Variants in BARX2 observed in about 807,000 individuals in gnomAD.
The protein encoded by BARX2 is BARX homeobox 2.
A neutral mutation model predicts 25.5 loss-of-function variants in BARX2; 11 were observed. That is an observed-to-expected ratio of 0.43 (90% CI 0.27 to 0.71). The LOEUF (loss-of-function observed/expected upper bound fraction) is 0.71, where lower values mean the gene tolerates loss of function less well. Ranked by LOEUF, BARX2 falls within the 30% of genes least tolerant of loss-of-function variation. The probability of loss-of-function intolerance (pLI) is 0.19; values close to 1 mark genes in which losing one functional copy is unlikely to be tolerated. For missense variants in BARX2, 360 were observed against 359.9 expected, an observed-to-expected ratio of 1.00 and a Z score of 0.00; for synonymous variants, 137 against 149.5, an observed-to-expected ratio of 0.92 and a Z score of 0.61.
chr11:129,388,346 A>G (rs1381783630), intron 1 of BARX2, among the ~76,000 whole-genome samples: 3 of 152,080 alleles, frequency 2.0e-5, no homozygotes, highest in Non-Finnish European at 2.9e-5. Flanking sequence ...ACCTGTTACC[A>G]TCTGGCTGTG....
At chr11:129,425,431 A>G (rs1862052728) in intron 1 of BARX2, among the ~76,000 whole-genome samples, 1 of 152,194 alleles carries the variant, frequency 6.6e-6, no homozygotes. Flanking sequence ...GGATGAAAGC[A>G]GGTGTGGGTG....
At chr11:129,395,511 C>T (rs143187936) in intron 1 of BARX2, among the ~76,000 whole-genome samples, 29 of 152,264 alleles carry the variant, frequency 1.9e-4, no homozygotes, top group Admixed American at 1.0e-3. Context: ...CCGTGAGTTC[C>T]GTGCATTTAG....
intron 1 of BARX2, among the ~76,000 whole-genome samples, chr11:129,409,073 C>T (rs1861861279): frequency 1.3e-5 from 2 of 152,276 alleles, no homozygotes; most frequent in Admixed American, 1.3e-4. Flanking sequence ...TATGATAATA[C>T]AAGAGCTCTC....
At position 129,390,381 on chromosome 11, in the gene BARX2, G is replaced by A. The variant is rs1429667729; in HGVS notation, c.187+14159G>A. ...GGGTCCTCAGAACCATAGAGTCTGA[G>A]TTTTCTGAATTGTTGAAAATAGGAC... On this transcript the variant is annotated intron_variant, in intron 1 of 3. Transcript: ENST00000281437. The surrounding 1 kb of genome is among the most constrained non-coding windows in gnomAD (Gnocchi z 4.3). 2.0e-5 allele frequency among the ~76,000 whole-genome samples: 3 copies of A among 152,138 alleles called. No homozygotes were observed. Among genetic ancestry groups the A allele is most frequent in the Admixed American group, 6.5e-5 (1 of 15,270 alleles).
chr11:129,450,862 C>G (rs914409718), intron 3 of BARX2, among the ~76,000 whole-genome samples: 3 of 152,094 alleles, frequency 2.0e-5, no homozygotes, highest in Non-Finnish European at 4.4e-5. Flanking sequence ...ATTTTCATTT[C>G]TTTCCTTATT....
intron 1 of BARX2, among the ~76,000 whole-genome samples, chr11:129,422,895 G>T (rs145855216): frequency 0.024 from 3,679 of 151,454 alleles, 133 homozygotes; most frequent in African/African-American, 0.085. Flanking sequence ...TAGAGATGGG[G>T]TTTCACCATG....
At chr11:129,391,139 A>G (rs571224873) in intron 1 of BARX2, among the ~76,000 whole-genome samples, 25 of 152,280 alleles carry the variant, frequency 1.6e-4, no homozygotes, top group African/African-American at 5.8e-4. Flanking sequence ...GATTACATGT[A>G]TTATGGTGTT....
At chr11:129,407,741 G>T (rs1427177628) in intron 1 of BARX2, among the ~76,000 whole-genome samples, 2 of 152,156 alleles carry the variant, frequency 1.3e-5, no homozygotes, top group Non-Finnish European at 2.9e-5. Flanking sequence ...CAGTAGGAAA[G>T]ACATGCATAA....
At chr11:129,430,508 A>C (rs1195409834) in intron 1 of BARX2, among the ~76,000 whole-genome samples, 1 of 152,184 alleles carries the variant, frequency 6.6e-6, no homozygotes, top group Non-Finnish European at 1.5e-5. Context: ...AATGTGTGTA[A>C]CATTTTAATT....
intron 1 of BARX2, among the ~76,000 whole-genome samples, chr11:129,433,011 T>C (rs77197461): frequency 0.089 from 13,565 of 152,216 alleles, 738 homozygotes; most frequent in Middle Eastern, 0.14. Flanking sequence ...TGCAATCCCA[T>C]GGTCCAATAT....
Position 129,432,934 on chromosome 11 carries a change from C to T in BARX2, c.188-3817C>T, listed in dbSNP as rs552584640. Reference sequence around the variant, plus strand: ...TCCTCTCTGTGACCTGAGATGTTGGCGTGCCCCAGAGTTCAGCCCTTGTAT... The same window carrying T: ...TCCTCTCTGTGACCTGAGATGTTGGTGTGCCCCAGAGTTCAGCCCTTGTAT... On this transcript the variant is annotated intron_variant, in intron 1 of 3. Transcript: ENST00000281437. 1.6e-4 allele frequency among the ~76,000 whole-genome samples: 24 copies of T among 152,204 alleles called. No individual in the cohort carries two copies. In the East Asian group the frequency reaches 2.3e-3, roughly 15 times the overall value.
At chr11:129,442,765 C>CAGCAGCCTGT in intron 2 of BARX2, 70 bp from the exon 3 acceptor site, 8 of 1,378,800 alleles carry the variant, frequency 5.8e-6, no homozygotes, top group Non-Finnish European at 8.3e-6. Flanking sequence ...CTGGAGCCTG[C>CAGCAGCCTGT]CAGCAGGATC....
At chr11:129,432,905 G>A (rs60613907) in intron 1 of BARX2, among the ~76,000 whole-genome samples, 4,486 of 152,170 alleles carry the variant, frequency 0.029, 226 homozygotes, top group African/African-American at 0.1. Flanking sequence ...TGGCCGGCTC[G>A]TCTTCCTCTC....
chr11:129,378,249 C>A (rs1434727009), intron 1 of BARX2, among the ~76,000 whole-genome samples: 1 of 152,110 alleles, frequency 6.6e-6, no homozygotes, highest in Non-Finnish European at 1.5e-5. Flanking sequence ...AATATAGAAA[C>A]TGGGATTTGC....
Position 129,390,667 on chromosome 11 carries a change from G to A in BARX2, c.187+14445G>A, listed in dbSNP as rs996608671. On this transcript the variant is annotated intron_variant, in intron 1 of 3. Transcript: ENST00000281437. The surrounding 1 kb of genome is among the most constrained non-coding windows in gnomAD (Gnocchi z 4.3). Reference sequence around the variant, plus strand: ...AAAAACAAATTGAAAAATGAGAATGGAAGATTTCATTTGGAAATGGCCCTG... The same window carrying A: ...AAAAACAAATTGAAAAATGAGAATGAAAGATTTCATTTGGAAATGGCCCTG... 1.3e-5 allele frequency among the ~76,000 whole-genome samples: 2 copies of A among 152,156 alleles called. No homozygotes were observed. The highest frequency in any genetic ancestry group is 6.5e-5 in the Admixed American group (1 of 15,270).
intron 1 of BARX2, among the ~76,000 whole-genome samples, chr11:129,380,435 GTGC>G (rs769566207): frequency 7.1e-4 from 108 of 152,126 alleles, no homozygotes; most frequent in Non-Finnish European, 7.2e-4. Flanking sequence ...GAGCTGGCTA[GTGC>G]TTCATGGAGT....
intron 3 of BARX2, among the ~76,000 whole-genome samples, chr11:129,443,457 TC>T (rs1417595206): frequency 6.6e-6 from 1 of 152,130 alleles, no homozygotes; most frequent in Non-Finnish European, 1.5e-5. Context: ...AACGCAGTGA[TC>T]CTCAAACTTT....
intron 1 of BARX2, among the ~76,000 whole-genome samples, chr11:129,425,617 C>T (rs1862054509): frequency 6.6e-6 from 1 of 152,158 alleles, no homozygotes; most frequent in African/African-American, 2.4e-5. Context: ...CTAGCTTAAT[C>T]GATCTCACTT....
intron 1 of BARX2, among the ~76,000 whole-genome samples, chr11:129,413,898 C>T (rs1384569938): frequency 6.6e-6 from 1 of 151,912 alleles, no homozygotes; most frequent in African/African-American, 2.4e-5. Context: ...CCCGTCTCTA[C>T]TAAATACAAA....
Sources: gnomAD v4.1 joint callset for allele counts (sites outside exome capture counted in the v4.1 genomes callset) on GRCh38, gnomAD v4.1.1 for gene constraint, Gnocchi (gnomAD v3.1) non-coding constraint, MANE v1.5 for transcripts, NCBI Gene and HGNC (gene_info 2026-07-23, HGNC 2026-07-21) for gene names.